VPS41: variants seen among roughly 807,000 people sequenced by gnomAD.
The protein encoded by VPS41 is vacuolar protein sorting-associated protein 41 homolog.
Under a neutral mutation model 130.9 loss-of-function variants are expected in VPS41, and 85 were observed. The observed-to-expected ratio is 0.65, with a 90% CI of 0.55 to 0.78. The LOEUF (loss-of-function observed/expected upper bound fraction) is 0.78. Among genes scored for constraint, VPS41 ranks in the 30% least tolerant of loss-of-function variants. The pLI, the probability that VPS41 is intolerant of heterozygous loss-of-function variation, is 0.00. For missense variants in VPS41, 874 were observed against 1,018.7 expected (o/e 0.86, Z 1.93); for synonymous variants, 335 against 332.9 (o/e 1.01, Z -0.07).
chr7:38,740,767 G>A (rs953789362), intron 25 of VPS41, among the ~76,000 whole-genome samples: 7 of 152,004 alleles, frequency 4.6e-5, no homozygotes, highest in African/African-American at 1.7e-4. Flanking sequence ...TAATACTACT[G>A]TCCCCTGTGG....
intron 25 of VPS41, among the ~76,000 whole-genome samples, chr7:38,740,801 C>T (rs1325663190): frequency 1.3e-5 from 2 of 152,128 alleles, no homozygotes; most frequent in Non-Finnish European, 2.9e-5. Flanking sequence ...TGGCTTAGAG[C>T]ACCTTGTTTC....
intron 4 of VPS41, among the ~76,000 whole-genome samples, chr7:38,843,882 T>G (rs918188474): frequency 2.0e-5 from 3 of 152,148 alleles, no homozygotes; most frequent in Non-Finnish European, 4.4e-5. Flanking sequence ...TGATAAAAAG[T>G]GGCATGGCCG....
intron 2 of VPS41, among the ~76,000 whole-genome samples, chr7:38,870,837 AGAATC>A (rs1786342277): frequency 6.9e-6 from 1 of 144,710 alleles, no homozygotes. Context: ...AAAAAAAAAA[AGAATC>A]AAATGAAATT....
chr7:38,764,366 C>T (rs1031096588), intron 16 of VPS41, among the ~76,000 whole-genome samples: 3 of 151,974 alleles, frequency 2.0e-5, no homozygotes, highest in Non-Finnish European at 2.9e-5. Context: ...CCCAGAGATG[C>T]GAGATGGCGT....
intron 10 of VPS41, among the ~76,000 whole-genome samples, chr7:38,787,953 C>T (rs1784469385): frequency 6.6e-6 from 1 of 152,122 alleles, no homozygotes; most frequent in Non-Finnish European, 1.5e-5. Flanking sequence ...ACGTAAATTA[C>T]AGTACAGATG....
chr7:38,895,344 TA>T (rs531694346), intron 2 of VPS41, among the ~76,000 whole-genome samples: 2 of 151,642 alleles, frequency 1.3e-5, no homozygotes, highest in Non-Finnish European at 2.9e-5. Context: ...AATAAAAAAA[TA>T]AAAAAAACAA....
At chr7:38,899,923 G>A (rs1232044866) in intron 1 of VPS41, among the ~76,000 whole-genome samples, 1 of 151,986 alleles carries the variant, frequency 6.6e-6, no homozygotes, top group Non-Finnish European at 1.5e-5. Flanking sequence ...AGGTAAATGG[G>A]TGAATACCCC....
Position 38,898,146 on chromosome 7 carries a change from A to G in VPS41, c.22-17T>C, listed in dbSNP as rs1417033515. The G allele has an allele frequency of 6.2e-7, 1 of 1,609,214 alleles. No individual in the cohort carries two copies. The highest frequency in any genetic ancestry group is 8.5e-7 in the Non-Finnish European group (1 of 1,175,814). On this transcript the variant is annotated splice_polypyrimidine_tract_variant and intron_variant, in intron 1 of 28. Transcript: ENST00000310301. ...CCCAGTTTCCTATAAAGCATAGAAAAAGAAAATGGTCAGAAGAGATGATAA... is the reference window on the plus strand; with the variant it reads ...CCCAGTTTCCTATAAAGCATAGAAAGAGAAAATGGTCAGAAGAGATGATAA...
At chr7:38,801,780 A>C (rs1784731086) in intron 7 of VPS41, among the ~76,000 whole-genome samples, 1 of 152,250 alleles carries the variant, frequency 6.6e-6, no homozygotes, top group Non-Finnish European at 1.5e-5. Flanking sequence ...AATAAATATT[A>C]AATACTAAGT....
chr7:38,909,023 C>A, intron 1 of VPS41, 131 bp downstream of exon 1: 1 of 1,136,946 alleles, frequency 8.8e-7, no homozygotes, highest in Admixed American at 1.8e-5. Flanking sequence ...CATCCCACCC[C>A]GCCCTGCCGC....
In VPS41 at chr7:38,746,874, C is replaced by T. The variant is rs542871069; in HGVS notation, c.1927-1261G>A. 3.9e-5 allele frequency among the ~76,000 whole-genome samples: 6 copies of T among 152,278 alleles called. No individual in the cohort carries two copies. In the South Asian group the frequency reaches 1.2e-3, roughly 32 times the overall value. On this transcript the variant is annotated intron_variant, in intron 22 of 28. Coordinates refer to ENST00000310301, the MANE Select transcript of VPS41 (RefSeq NM_014396.4). ...CCTGACTCTCCACTATTGGATGGCA[C>T]TACCTTACGTCATGAGGTCAAGGTC...
rs775853282 is a variant in VPS41 at position 38,763,442 on chromosome 7, C to A, written c.1422+13G>T. The A allele has an allele frequency of 8.3e-6, 13 of 1,558,744 alleles. 1 individual carries two copies. In the South Asian group the frequency reaches 1.5e-4, roughly 19 times the overall value. ...CGAGAACAAGTAAATATGACCACAT[C>A]AGAACACCATACCTCATAATCACTC... On this transcript the variant is annotated intron_variant, in intron 17 of 28. Transcript: ENST00000310301.
chr7:38,885,324 G>A (rs987397108), intron 2 of VPS41, among the ~76,000 whole-genome samples: 13 of 152,032 alleles, frequency 8.6e-5, no homozygotes, highest in Non-Finnish European at 1.3e-4. Context: ...CCACTGAGAC[G>A]CAGGATTTTT....
intron 17 of VPS41, among the ~76,000 whole-genome samples, chr7:38,760,051 G>T (rs1057321618): frequency 1.1e-4 from 16 of 152,086 alleles, no homozygotes; most frequent in Admixed American, 9.8e-4. Flanking sequence ...GCTATCTCTA[G>T]ATCTCAAATT....
chr7:38,805,677 T>A (rs1441628571), intron 7 of VPS41, among the ~76,000 whole-genome samples: 1 of 152,140 alleles, frequency 6.6e-6, no homozygotes, highest in Non-Finnish European at 1.5e-5. Flanking sequence ...AAAACTGGCA[T>A]TAACTGGACA....
At chr7:38,876,990 C>A (rs761686107) in intron 2 of VPS41, among the ~76,000 whole-genome samples, 1 of 152,198 alleles carries the variant, frequency 6.6e-6, no homozygotes, top group African/African-American at 2.4e-5. Context: ...GGAATAACCT[C>A]ACCAATCTTC....
chr7:38,902,656 C>T (rs1787170356), intron 1 of VPS41, among the ~76,000 whole-genome samples: 1 of 152,158 alleles, frequency 6.6e-6, no homozygotes, highest in Non-Finnish European at 1.5e-5. Context: ...CCCCTGCCTG[C>T]CTGAGTTTGT....
chr7:38,885,428 G>GA (rs1401107174), intron 2 of VPS41, among the ~76,000 whole-genome samples: 4 of 152,172 alleles, frequency 2.6e-5, no homozygotes, highest in Non-Finnish European at 4.4e-5. Flanking sequence ...TCCATAAATA[G>GA]AAAAAACCCT....
At position 38,878,236 on chromosome 7, in the gene VPS41, C is replaced by A. The variant is rs1364739912; in HGVS notation, c.61-8983G>T. The stretch of plus-strand genomic sequence containing the variant: ...CAGAAAAAAAAATAGTAAGTCCAAG[C>A]ATTAATACCTTTTACAGACAAATTG... On this transcript the variant is annotated intron_variant, in intron 2 of 28. Coordinates refer to ENST00000310301, the MANE Select transcript of VPS41 (RefSeq NM_014396.4). Among the ~76,000 whole-genome samples, 14 of 152,144 alleles carry A rather than the reference C, an allele frequency of 9.2e-5. No individual in the cohort carries two copies. The East Asian group carries it at 2.7e-3, about 29-fold the overall frequency.
Sources: allele counts gnomAD v4.1 joint callset (sites outside exome capture counted in the v4.1 genomes callset), GRCh38; gene constraint gnomAD v4.1.1; transcripts MANE v1.5; gene names NCBI Gene and HGNC (gene_info 2026-07-23, HGNC 2026-07-21).